ZNF90: variants seen among roughly 807,000 people sequenced by gnomAD.
The protein encoded by ZNF90 is zinc finger protein 90, also known as zinc finger protein HTF9.
ZNF90 carries 11 observed loss-of-function variants against 12.0 expected under a neutral mutation model. The ratio of observed to expected loss-of-function variants is 0.92; its 90% CI spans 0.58 to 1.52. The LOEUF is 1.52. Among genes scored for constraint, ZNF90 ranks in the 40% most tolerant of loss-of-function variants. The pLI is 0.00. For missense variants in ZNF90, 765 were observed against 711.5 expected, an observed-to-expected ratio of 1.08 and a Z score of -0.86; for synonymous variants, 232 against 240.1, an observed-to-expected ratio of 0.97 and a Z score of 0.31.
intron 3 of ZNF90, chr19:20,107,224 G>A (rs782312363): frequency 1.5e-4 from 46 of 316,084 alleles, no homozygotes; most frequent in Admixed American, 4.1e-5. Context: ...ATAATTGGGT[G>A]CCTTTCTCCA....
chr19:20,110,249 A>G (rs2089075204), intron 3 of ZNF90, among the ~76,000 whole-genome samples: 1 of 152,034 alleles, frequency 6.6e-6, no homozygotes, highest in Non-Finnish European at 1.5e-5. Flanking sequence ...TGGATTTTCA[A>G]ATATGTTTTC....
At chr19:20,115,068 C>T (rs2089125057) in intron 3 of ZNF90, among the ~76,000 whole-genome samples, 1 of 152,112 alleles carries the variant, frequency 6.6e-6, no homozygotes, top group African/African-American at 2.4e-5. Context: ...ACTTAAATTA[C>T]ATTTTATAAA....
At chr19:20,095,793 C>T (rs975559570) in intron 1 of ZNF90, among the ~76,000 whole-genome samples, 2 of 151,604 alleles carry the variant, frequency 1.3e-5, no homozygotes, top group Non-Finnish European at 2.9e-5. Context: ...GGGGTTCTTG[C>T]CCCTGCCCCA....
intron 3 of ZNF90, among the ~76,000 whole-genome samples, chr19:20,108,731 CTTTTT>C (rs10626180): frequency 4.2e-5 from 5 of 119,976 alleles, no homozygotes; most frequent in African/African-American, 6.3e-5. Flanking sequence ...GTAGGTTTCT[CTTTTT>C]TTTTTTTTTT....
chr19:20,107,703 G>C (rs2089052190), intron 3 of ZNF90, among the ~76,000 whole-genome samples: 1 of 152,084 alleles, frequency 6.6e-6, no homozygotes, highest in Non-Finnish European at 1.5e-5. Flanking sequence ...CCTTCTTACT[G>C]ATGTCACTCT....
intron 3 of ZNF90, among the ~76,000 whole-genome samples, chr19:20,109,249 A>T (rs190962366): frequency 5.3e-5 from 8 of 152,320 alleles, no homozygotes; most frequent in African/African-American, 1.9e-4. Flanking sequence ...TTTGAGGTTT[A>T]AGAGATAAAT....
In ZNF90 at chr19:20,084,411, T is replaced by C. The variant is rs1420688109; in HGVS notation, c.3+6276T>C. 8.5e-5 allele frequency among the ~76,000 whole-genome samples: 13 copies of C among 152,324 alleles called. 1 individual carries two copies. The highest frequency in any genetic ancestry group is 6.5e-4 in the Admixed American group (10 of 15,300). ...ACCATTGATAGGCATTTACAGCCTG[T>C]CCATGTCTTTGCTATTGTGAATAGT... On this transcript the variant is annotated intron_variant, in intron 1 of 3. Transcript: ENST00000418063.
At chr19:20,116,061 C>T (rs1354083508) in intron 3 of ZNF90, among the ~76,000 whole-genome samples, 2 of 152,098 alleles carry the variant, frequency 1.3e-5, no homozygotes, top group African/African-American at 4.8e-5. Flanking sequence ...TTAGTACAGA[C>T]AGGGTTTCAC....
At chr19:20,088,934 T>C (rs2088880664) in intron 1 of ZNF90, among the ~76,000 whole-genome samples, 1 of 152,188 alleles carries the variant, frequency 6.6e-6, no homozygotes. Context: ...AGGGAGCTCT[T>C]CGGTCCTATT....
rs528868874 is a variant in ZNF90, at chr19:20,091,731, ACCCTTGTGTAGTGAGGAAACCTCTTTCAG to A, written c.4-12504_4-12476del. On this transcript the variant is annotated intron_variant, in intron 1 of 3. Transcript: ENST00000418063. The stretch of plus-strand genomic sequence containing the variant: ...ATTAAAGAGGCATTAATGATGGAGG[ACCCTTGTGTAGTGAGGAAACCTCTTTCAG>A]CCCATATGACTGCATGGTGCTGCAG... Among the ~76,000 whole-genome samples the A allele has an allele frequency of 2.2e-3, 328 of 152,204 alleles. 1 individual carries two copies. Among genetic ancestry groups the A allele is most frequent in the Middle Eastern group, 3.4e-3 (1 of 294 alleles).
chr19:20,092,558 G>T (rs1416292680), intron 1 of ZNF90, among the ~76,000 whole-genome samples: 1 of 152,160 alleles, frequency 6.6e-6, no homozygotes, highest in African/African-American at 2.4e-5. Context: ...AGGATCTATG[G>T]GGTCAGCTAG....
chr19:20,105,138 C>A, intron 2 of ZNF90, 83 bp from the exon 3 acceptor site: 4 of 992,228 alleles, frequency 4.0e-6, no homozygotes, highest in Non-Finnish European at 4.2e-6. Flanking sequence ...ACTATTTTAT[C>A]ACATCTTCTC....
At position 20,114,335 on chromosome 19, in the gene ZNF90, A is replaced by G. The variant is rs542718440; in HGVS notation, c.227-3446A>G. On this transcript the variant is annotated intron_variant, in intron 3 of 3. Coordinates refer to ENST00000418063, the MANE Select transcript of ZNF90 (RefSeq NM_007138.2). ...TCATATTAATTATATTGACATTGTT[A>G]TGCAACATATCACTAGAATGTTTTT... 2.6e-4 allele frequency among the ~76,000 whole-genome samples: 40 copies of G among 152,326 alleles called. No individual in the cohort carries two copies. In the South Asian group the frequency reaches 5.2e-3, roughly 20 times the overall value.
intron 1 of ZNF90, chr19:20,080,411 G>T: frequency 5.3e-6 from 2 of 378,634 alleles, no homozygotes; most frequent in South Asian, 5.0e-5. Flanking sequence ...GGACTGTGTG[G>T]ATGCGGCGGG....
chr19:20,086,709 C>T (rs1555702111), intron 1 of ZNF90, among the ~76,000 whole-genome samples: 1 of 152,084 alleles, frequency 6.6e-6, no homozygotes, highest in African/African-American at 2.4e-5. Context: ...ATACTATATA[C>T]ATTATGACTA....
At position 20,118,498 on chromosome 19, in the gene ZNF90, G is replaced by A. The variant is rs2089163154; in HGVS notation, c.944G>A (p.Cys315Tyr). ...CATACTGAAGAGAAACCCTACAAATGTGAAGAATGTGGCAAAGCCTTCAAG... is the reference window on the plus strand; with the variant it reads ...CATACTGAAGAGAAACCCTACAAATATGAAGAATGTGGCAAAGCCTTCAAG... ...ISHTEEKPYK[C>Y]EECGKAFKLS... Residue 315 changes from cysteine (C) to tyrosine (Y), a missense_variant, in exon 4 of 4, where the codon TGT becomes TAT. Coordinates refer to ENST00000418063, the MANE Select transcript of ZNF90 (RefSeq NM_007138.2). 7 of 1,613,612 alleles carry A rather than the reference G, an allele frequency of 4.3e-6. No individual in the cohort carries two copies. In the South Asian group the frequency reaches 5.5e-5, roughly 13 times the overall value.
rs187281964 is a variant in ZNF90, at chr19:20,099,617, G to A, written c.4-4622G>A. Among the ~76,000 whole-genome samples the A allele has an allele frequency of 7.2e-4, 109 of 152,226 alleles. 1 individual carries two copies. Among genetic ancestry groups the A allele is most frequent in the Middle Eastern group, 3.4e-3 (1 of 294 alleles). On this transcript the variant is annotated intron_variant, in intron 1 of 3. Transcript: ENST00000418063. The stretch of plus-strand genomic sequence containing the variant: ...CTCCAGATCTGTCACTATCTGAGGC[G>A]TCCCACGACAGGCAGTCACTAGATA...
intron 3 of ZNF90, 188 bp from the exon 4 acceptor site, chr19:20,117,593 G>A: frequency 4.1e-6 from 4 of 985,088 alleles, no homozygotes; most frequent in Non-Finnish European, 4.8e-6. Context: ...CACCATGCCT[G>A]GTTAATTTTG....
At chr19:20,097,495 C>A (rs1442353489) in intron 1 of ZNF90, among the ~76,000 whole-genome samples, 7 of 152,212 alleles carry the variant, frequency 4.6e-5, no homozygotes, top group African/African-American at 1.7e-4. Flanking sequence ...ACCTCTTTGA[C>A]TCTTGTATTT....
Sources: allele counts gnomAD v4.1 joint callset (sites outside exome capture counted in the v4.1 genomes callset), GRCh38; gene constraint gnomAD v4.1.1; transcripts MANE v1.5; gene names NCBI Gene and HGNC (gene_info 2026-07-23, HGNC 2026-07-21).